MTMR4: variants seen among roughly 807,000 people sequenced by gnomAD.
The protein encoded by MTMR4 is phosphatidylinositol-3,5-bisphosphate 3-phosphatase MTMR4.
In MTMR4, 30 loss-of-function variants were observed where a neutral mutation model predicts 125.5. The ratio of observed to expected loss-of-function variants is 0.24; its 90% CI spans 0.18 to 0.32. The LOEUF (loss-of-function observed/expected upper bound fraction) is 0.32. MTMR4 is among the 10% of genes least tolerant of loss of function. The probability of loss-of-function intolerance (pLI) is 1.00; values close to 1 mark genes in which losing one functional copy is unlikely to be tolerated. For synonymous variants in MTMR4, 498 were observed against 564.5 expected (o/e 0.88, Z 1.67); for missense variants, 1,039 against 1,511.5 (o/e 0.69, Z 5.18).
At chr17:58,492,328 C>G (rs562686646) in intron 17 of MTMR4, among the ~76,000 whole-genome samples, 183 bp downstream of exon 17, 67 of 152,156 alleles carry the variant, frequency 4.4e-4, no homozygotes, top group Non-Finnish European at 8.5e-4. Context: ...TGCGCCACCA[C>G]GCCCAGCTAA....
At chr17:58,505,771 A>C (rs577185743) in intron 9 of MTMR4, among the ~76,000 whole-genome samples, 188 bp from the exon 10 acceptor site, 1 of 152,274 alleles carries the variant, frequency 6.6e-6, no homozygotes, top group South Asian at 2.1e-4. Flanking sequence ...AGCTGGCCAT[A>C]GTGGTAGGCA....
Position 58,514,530 on chromosome 17 carries a change from T to C in MTMR4, c.-123A>G, listed in dbSNP as rs1211199010. On this transcript the variant is annotated 5_prime_UTR_variant, in exon 1 of 18. Transcript: ENST00000682306. ...GGTGCAGCCGCGGCGGCCAAGAGGC[T>C]AGGGCGCTGGTGGCCGGGCCTCCGC... 2.0e-6 allele frequency: 2 copies of C among 984,968 alleles called. No homozygotes were observed. Among genetic ancestry groups the C allele is most frequent in the African/African-American group, 3.5e-5 (2 of 57,158 alleles). 61.0% of individuals were successfully genotyped at this position (984,968 alleles called of 1,614,324 possible).
Position 58,495,225 on chromosome 17 carries a change from T to C in MTMR4, c.2959A>G (p.Thr987Ala). 6.2e-7 allele frequency: 1 copy of C among 1,614,184 alleles called. No individual in the cohort carries two copies. The highest frequency in any genetic ancestry group is 1.1e-5 in the South Asian group (1 of 91,084). ...VCSSHSNGHC[T>A]GPGGKNQMWL... ...ATCTGGTTCTTTCCTCCTGGGCCAG[T>C]ACAATGTCCATTGGAATGACTAGAA... The change falls in exon 15 of 18, where the codon ACT becomes GCT. Residue 987 changes from threonine (T) to alanine (A), a missense_variant. Thr to Ala is a moderately conservative substitution (Grantham distance 58). Coordinates refer to ENST00000682306, the MANE Select transcript of MTMR4 (RefSeq NM_001378067.1).
intron 14 of MTMR4, among the ~76,000 whole-genome samples, chr17:58,502,412 C>A (rs1975667855): frequency 1.3e-5 from 2 of 152,002 alleles, no homozygotes; most frequent in Admixed American, 1.3e-4. Context: ...CCTGCCTCGG[C>A]CTCCCAAAGT....
At position 58,492,321 on chromosome 17, in the gene MTMR4, G is replaced by A. The variant is rs558631154; in HGVS notation, c.3452+190C>T. On this transcript the variant is annotated intron_variant, in intron 17 of 17. Coordinates refer to ENST00000682306, the MANE Select transcript of MTMR4 (RefSeq NM_001378067.1). ...AGAGTAGCTGGGATTACAGGCATGC[G>A]CCACCACGCCCAGCTAATTTTTGTA... is the stretch of plus-strand genomic sequence containing the variant. Among the ~76,000 whole-genome samples, 91 of 152,210 alleles carry A rather than the reference G, an allele frequency of 6.0e-4. 1 individual carries two copies. The highest frequency in any genetic ancestry group is 1.9e-3 in the African/African-American group (78 of 41,512).
chr17:58,499,710 C>T (rs918084493), intron 14 of MTMR4, among the ~76,000 whole-genome samples: 2 of 151,926 alleles, frequency 1.3e-5, no homozygotes, highest in Non-Finnish European at 2.9e-5. Flanking sequence ...CAAACTCCGC[C>T]TTCCCAGGTT....
Position 58,490,218 on chromosome 17 carries a change from A to G in MTMR4, c.*1445T>C, listed in dbSNP as rs1266600905. On this transcript the variant is annotated 3_prime_UTR_variant, in exon 18 of 18. Coordinates refer to ENST00000682306, the MANE Select transcript of MTMR4 (RefSeq NM_001378067.1). Reference sequence around the variant, plus strand: ...GAAAGTAGCAGTAAGAAAGATGACTACCATCATTTCAAAACAGGATAAGCC... The same window carrying G: ...GAAAGTAGCAGTAAGAAAGATGACTGCCATCATTTCAAAACAGGATAAGCC... The G allele has an allele frequency of 1.3e-5, 2 of 152,454 alleles. No homozygotes were observed. Among genetic ancestry groups the G allele is most frequent in the African/African-American group, 2.4e-5 (1 of 41,466 alleles). The allele number at this position is 152,454 out of a possible 1,614,324, so 9.4% of individuals were successfully genotyped here.
In MTMR4 at chr17:58,491,611, AG is replaced by A. The variant is rs1975316263; in HGVS notation, c.*51del. ...AAGGAACCTTCCAAACTACAACTGA[AG>A]AAGATCCTCCCTTCAAACCTGCTAA... On this transcript the variant is annotated 3_prime_UTR_variant, in exon 18 of 18. Coordinates refer to ENST00000682306, the MANE Select transcript of MTMR4 (RefSeq NM_001378067.1). 1 of 1,558,900 alleles carries A rather than the reference AG, an allele frequency of 6.4e-7. No homozygotes were observed. The highest frequency in any genetic ancestry group is 1.7e-5 in the Admixed American group (1 of 57,320).
intron 4 of MTMR4, among the ~76,000 whole-genome samples, chr17:58,509,302 T>A (rs1040670228): frequency 3.3e-5 from 5 of 151,590 alleles, no homozygotes; most frequent in Non-Finnish European, 5.9e-5. Context: ...ATCCTACTGA[T>A]GCTTTGAAGA....
At position 58,496,311 on chromosome 17, in the gene MTMR4, T is replaced by A. The variant is rs546979123; in HGVS notation, c.1873A>T (p.Met625Leu). The A allele has an allele frequency of 3.1e-6, 5 of 1,609,606 alleles. No homozygotes were observed. Among genetic ancestry groups the A allele is most frequent in the Non-Finnish European group, 4.2e-6 (5 of 1,178,028 alleles). ...TCACAGGCAGAAAGAAGATCATCCATGGATCTGGTTTTAGGTAATCTGGAA... is the reference window on the plus strand; with the variant it reads ...TCACAGGCAGAAAGAAGATCATCCAAGGATCTGGTTTTAGGTAATCTGGAA... ...SLDRLPKTRSMDDLLSACDTS... is the reference protein window; with the variant it reads ...SLDRLPKTRSLDDLLSACDTS... The change falls in exon 15 of 18, where the codon ATG (methionine) becomes TTG (leucine). Residue 625 changes from methionine (M) to leucine (L), a missense_variant. This residue lies in a region of MTMR4 where 619 missense variants were observed against 714.5 expected (regional missense o/e 0.87). Transcript: ENST00000682306.
rs762636481 is a variant in MTMR4, at chr17:58,503,827, T to C, written c.1770A>G (p.Pro590=). Residue 590 remains proline (P), a synonymous_variant, in exon 14 of 18, where the codon CCA becomes CCG. Coordinates refer to ENST00000682306, the MANE Select transcript of MTMR4 (RefSeq NM_001378067.1). ...WTAVYLPASS[P]CTLGEENMDL... ...CCATGTTTTCTTCCCCAAGTGTGCA[T>C]GGAGATGATGCTGGCAGATAAACAG... 6.2e-6 allele frequency: 10 copies of C among 1,613,962 alleles called. No individual in the cohort carries two copies. Among genetic ancestry groups the C allele is most frequent in the Non-Finnish European group, 8.5e-6 (10 of 1,179,910 alleles).
Position 58,512,446 on chromosome 17 carries a change from G to A in MTMR4, c.196C>T (p.Leu66Phe). The A allele has an allele frequency of 6.2e-7, 1 of 1,614,192 alleles. No individual in the cohort carries two copies. Among genetic ancestry groups the A allele is most frequent in the African/African-American group, 1.3e-5 (1 of 75,044 alleles). Residue 66 changes from leucine to phenylalanine, a missense_variant, in exon 3 of 18, where the codon CTC becomes TTC. This residue lies in a region of MTMR4 where 202 missense variants were observed against 311.9 expected (regional missense o/e 0.65). Coordinates refer to ENST00000682306, the MANE Select transcript of MTMR4 (RefSeq NM_001378067.1). The surrounding 1 kb of genome is among the most constrained non-coding windows in gnomAD (Gnocchi z 4.1). ...VEFLGRAADA[L>F]IAISNYRLHI... is the part of the protein sequence containing the mutation. Reference sequence around the variant, plus strand: ...AGCCGGTAGTTAGAGATGGCAATGAGGGCATCGGCTGCCCGGCCCAGGAAC... The same window carrying A: ...AGCCGGTAGTTAGAGATGGCAATGAAGGCATCGGCTGCCCGGCCCAGGAAC...
chr17:58,507,188 C>T lies in MTMR4; in HGVS notation c.839G>A (p.Arg280Lys), dbSNP rs1975801582. The T allele has an allele frequency of 3.1e-6, 5 of 1,614,068 alleles. No homozygotes were observed. Among genetic ancestry groups the T allele is most frequent in the South Asian group, 1.1e-5 (1 of 91,092 alleles). Reference protein sequence around the residue: ...AKACALDPGTRATGGSLSTGN... With the variant: ...AKACALDPGTKATGGSLSTGN... ...GGTGCTGAGGGAGCCCCCAGTGGCC[C>T]TTGTCCCCGGGTCCAGGGCACAGGC... is the stretch of plus-strand genomic sequence containing the variant. Residue 280 changes from arginine (R) to lysine (K), a missense_variant, in exon 8 of 18, where the codon AGG (arginine) becomes AAG (lysine). By Grantham distance (26) the Arg-to-Lys change is conservative. This residue lies in a region of MTMR4 where 49 missense variants were observed against 68.4 expected (regional missense o/e 0.72). Transcript: ENST00000682306.
intron 4 of MTMR4, chr17:58,510,725 A>G (rs776899473): frequency 6.6e-6 from 1 of 151,996 alleles, no homozygotes; most frequent in Non-Finnish European, 1.5e-5. Context: ...CTCCCCACGC[A>G]TCACCACACC....
chr17:58,494,807 C>T (rs1975408934), intron 15 of MTMR4, 125 bp downstream of exon 15: 1 of 816,106 alleles, frequency 1.2e-6, no homozygotes, highest in South Asian at 1.8e-5. Flanking sequence ...ACTTGTTTTT[C>T]ATCCTATAGC....
Position 58,496,055 on chromosome 17 carries a change from T to C in MTMR4, c.2129A>G (p.Lys710Arg), listed in dbSNP as rs756882249. 14 of 1,614,044 alleles carry C rather than the reference T, an allele frequency of 8.7e-6. No homozygotes were observed. Among genetic ancestry groups the C allele is most frequent in the Non-Finnish European group, 1.2e-5 (14 of 1,180,034 alleles). Reference sequence around the variant, plus strand: ...CAGTTTGTAACTTGGAGAACAGCTTTTGTGACTCTTGAAAGGTTTATTGCT... The same window carrying C: ...CAGTTTGTAACTTGGAGAACAGCTTCTGTGACTCTTGAAAGGTTTATTGCT... ...YLSNKPFKSH[K>R]SCSPSYKLLN... The change falls in exon 15 of 18, where the codon AAA becomes AGA. Residue 710 changes from lysine to arginine, a missense_variant. Lys to Arg is a conservative substitution (Grantham distance 26). Coordinates refer to ENST00000682306, the MANE Select transcript of MTMR4 (RefSeq NM_001378067.1).
Position 58,512,566 on chromosome 17 carries a change from C to T in MTMR4, c.136-60G>A, listed in dbSNP as rs1032924298. ...TGAGTGACCACCTTATCCTCTTCTA[C>T]AGCCCCTGATCTGTGGGATCCCCTC... On this transcript the variant is annotated intron_variant, in intron 2 of 17. Coordinates refer to ENST00000682306, the MANE Select transcript of MTMR4 (RefSeq NM_001378067.1). This position sits in a 1 kb window ranked among gnomAD's most constrained non-coding sequence, Gnocchi z 4.1. 3.0e-6 allele frequency: 4 copies of T among 1,353,304 alleles called. No individual in the cohort carries two copies. The highest frequency in any genetic ancestry group is 2.3e-5 in the East Asian group (1 of 43,566). 83.8% of individuals were successfully genotyped at this position (1,353,304 alleles called of 1,614,324 possible).
chr17:58,514,620 C>A lies in MTMR4; in HGVS notation c.-213G>T. 1 of 985,240 alleles carries A rather than the reference C, an allele frequency of 1.0e-6. No individual in the cohort carries two copies. The highest frequency in any genetic ancestry group is 1.2e-6 in the Non-Finnish European group (1 of 829,866). 61.0% of individuals were successfully genotyped at this position (985,240 alleles called of 1,614,324 possible). ...GCGGGCCCAGCTCCGCCCTCCCGCA[C>A]GAGTGCAGAAGGGAGGGGAGCCAGG... On this transcript the variant is annotated 5_prime_UTR_variant, in exon 1 of 18. Transcript: ENST00000682306.
intron 16 of MTMR4, 79 bp from the exon 17 acceptor site, chr17:58,492,678 C>A (rs1460453856): frequency 6.9e-7 from 1 of 1,447,084 alleles, no homozygotes; most frequent in Non-Finnish European, 9.7e-7. Flanking sequence ...GAAAGCACCC[C>A]AGCAGAAAGA....
Sources: allele counts gnomAD v4.1 joint callset (sites outside exome capture counted in the v4.1 genomes callset), GRCh38; gene constraint gnomAD v4.1.1; regional missense constraint gnomAD v4.1.1; non-coding constraint Gnocchi (gnomAD v3.1); transcripts MANE v1.5; gene names NCBI Gene and HGNC (gene_info 2026-07-23, HGNC 2026-07-21).